Variants in ACTR3C observed in about 807,000 individuals in gnomAD.
ACTR3C encodes the protein actin-related protein 3C.
Under a neutral mutation model 26.3 loss-of-function variants are expected in ACTR3C, and 18 were observed. The ratio of observed to expected loss-of-function variants is 0.68; its 90% CI spans 0.47 to 1.01. The LOEUF (loss-of-function observed/expected upper bound fraction) is 1.01, where lower values mean the gene tolerates loss of function less well. Ranked by LOEUF, ACTR3C falls within the 50% of genes least tolerant of loss-of-function variation. The pLI is 0.00. For missense variants in ACTR3C, 184 were observed against 250.7 expected (o/e 0.73, Z 1.80); for synonymous variants, 55 against 94.5 (o/e 0.58, Z 2.42).
chr7:150,145,918 T>C, the ACTR3C span, among the ~76,000 whole-genome samples: 5,957 of 113,834 alleles, frequency 0.052, 292 homozygotes, highest in East Asian at 0.18. Flanking sequence ...ATAGTATTTA[T>C]GTAAAAGAGA....
chr7:149,995,487 C>T, the ACTR3C span, among the ~76,000 whole-genome samples: 1 of 152,234 alleles, frequency 6.6e-6, no homozygotes, highest in Non-Finnish European at 1.5e-5. Flanking sequence ...GCTGGATACT[C>T]GCACAGTAAA....
chr7:150,178,906 A>G, the ACTR3C span, among the ~76,000 whole-genome samples: 24,084 of 150,096 alleles, frequency 0.16, 4,179 homozygotes, highest in African/African-American at 0.39. Context: ...GTAACTGTTC[A>G]GAAAGTCTAC....
chr7:150,316,686 A>T (rs1183112316), intron 1 of ACTR3C, among the ~76,000 whole-genome samples: 1 of 152,050 alleles, frequency 6.6e-6, no homozygotes, highest in East Asian at 1.9e-4. Flanking sequence ...GGGTTTCACC[A>T]TGTTGGCCAG....
chr7:150,162,469 G>A, the ACTR3C span, among the ~76,000 whole-genome samples: 3 of 152,152 alleles, frequency 2.0e-5, no homozygotes, highest in South Asian at 2.1e-4. Flanking sequence ...GGGATTACAG[G>A]CACCCACCAC....
chr7:150,257,346 C>T (rs1017457857), intron 6 of ACTR3C, among the ~76,000 whole-genome samples: 6 of 152,152 alleles, frequency 3.9e-5, no homozygotes, highest in Non-Finnish European at 8.8e-5. Context: ...ATTTTTAGAA[C>T]TGCAGAGCTC....
the ACTR3C span, among the ~76,000 whole-genome samples, chr7:150,039,103 A>C: frequency 6.7e-6 from 1 of 149,488 alleles, no homozygotes; most frequent in Non-Finnish European, 1.5e-5. Context: ...ACAGTCCTCC[A>C]GGTGGGTCCT....
At chr7:150,198,385 A>G in the ACTR3C span, among the ~76,000 whole-genome samples, 1 of 143,158 alleles carries the variant, frequency 7.0e-6, no homozygotes, top group Non-Finnish European at 1.5e-5. Context: ...CCGCCATCCC[A>G]TCTAGGAAGT....
the ACTR3C span, among the ~76,000 whole-genome samples, chr7:150,020,243 T>C: frequency 1.3e-5 from 2 of 152,154 alleles, no homozygotes; most frequent in African/African-American, 2.4e-5. Flanking sequence ...AAACATTTTA[T>C]AGTGTTTCCT....
chr7:150,041,760 A>C, the ACTR3C span, among the ~76,000 whole-genome samples: 35 of 113,436 alleles, frequency 3.1e-4, no homozygotes, highest in East Asian at 8.7e-4. Context: ...AGGGGGGGGA[A>C]GAGGGACTGG....
the ACTR3C span, among the ~76,000 whole-genome samples, chr7:150,194,814 C>T: frequency 3.3e-5 from 5 of 152,078 alleles, no homozygotes; most frequent in East Asian, 3.9e-4. Flanking sequence ...ATTCTCCCAG[C>T]GGGACGTGGT....
chr7:150,184,783 T>C, the ACTR3C span, among the ~76,000 whole-genome samples: 1 of 148,238 alleles, frequency 6.7e-6, no homozygotes, highest in Admixed American at 6.6e-5. Flanking sequence ...TGCTTAAGTC[T>C]CACCCCACCA....
the ACTR3C span, among the ~76,000 whole-genome samples, chr7:150,117,020 G>A: frequency 6.6e-6 from 1 of 152,196 alleles, no homozygotes; most frequent in Non-Finnish European, 1.5e-5. Context: ...AGCCATGAGG[G>A]ACTGTGCCAT....
At chr7:150,246,463 TGACACGGGG>T (rs1050106421), downstream of ACTR3C, 1 of 152,202 alleles carries the variant, frequency 6.6e-6, no homozygotes, top group African/African-American at 2.4e-5. Flanking sequence ...TATTTTTGTG[TGACACGGGG>T]GACTTGTAGC....
At chr7:150,136,279 T>C in the ACTR3C span, among the ~76,000 whole-genome samples, 1 of 152,154 alleles carries the variant, frequency 6.6e-6, no homozygotes, top group Non-Finnish European at 1.5e-5. Context: ...ACCTGTGGTA[T>C]TTTCAGAAAC....
the ACTR3C span, among the ~76,000 whole-genome samples, chr7:150,017,202 G>C: frequency 1.3e-5 from 2 of 151,776 alleles, no homozygotes; most frequent in Admixed American, 1.3e-4. Context: ...TCCATGCAAA[G>C]TGACCTTTTT....
At chr7:149,922,970 CTTTTTTTTTT>C in the ACTR3C span, among the ~76,000 whole-genome samples, 42 of 69,160 alleles carry the variant, frequency 6.1e-4, no homozygotes, top group African/African-American at 2.2e-3. Context: ...AAATAAAAGG[CTTTTTTTTTT>C]TTTTTTTTTT....
the ACTR3C span, among the ~76,000 whole-genome samples, chr7:150,049,375 G>A: frequency 6.6e-6 from 1 of 152,286 alleles, no homozygotes; most frequent in South Asian, 2.1e-4. Flanking sequence ...GAGCGAACGT[G>A]GGCCGGGAAA....
the ACTR3C span, among the ~76,000 whole-genome samples, chr7:150,035,895 C>A: frequency 4.4e-5 from 6 of 137,500 alleles, no homozygotes; most frequent in African/African-American, 1.6e-4. Context: ...GGGGATAGCT[C>A]TCAGTCCCCA....
chr7:150,041,715 T>G, the ACTR3C span, among the ~76,000 whole-genome samples: 6 of 120,624 alleles, frequency 5.0e-5, no homozygotes, highest in Admixed American at 1.8e-4. Flanking sequence ...TCGCGGGGGG[T>G]GCCTCCCCCT....
Sources: allele counts gnomAD v4.1 joint callset (sites outside exome capture counted in the v4.1 genomes callset), GRCh38; gene constraint gnomAD v4.1.1; transcripts MANE v1.5; gene names NCBI Gene and HGNC (gene_info 2026-07-23, HGNC 2026-07-21).